The following MYT1L variants were observed in gnomAD, a reference collection of about 807,000 sequenced individuals.
MYT1L encodes myelin transcription factor 1 like.
In MYT1L, 12 loss-of-function variants were observed where a neutral mutation model predicts 126.7. The ratio of observed to expected loss-of-function variants is 0.09; its 90% CI spans 0.06 to 0.15. The LOEUF (loss-of-function observed/expected upper bound fraction) is 0.15. Ranked by LOEUF, MYT1L falls within the 10% of genes least tolerant of loss-of-function variation. MYT1L has a pLI of 1.00. For synonymous variants in MYT1L, 541 were observed against 604.2 expected, an observed-to-expected ratio of 0.90 and a Z score of 1.53; for missense variants, 979 against 1,585.2, an observed-to-expected ratio of 0.62 and a Z score of 6.49.
chr2:2,301,439 G>A (rs1449796195), intron 1 of MYT1L, among the ~76,000 whole-genome samples: 1 of 152,080 alleles, frequency 6.6e-6, no homozygotes, highest in Non-Finnish European at 1.5e-5. Flanking sequence ...CTTATTATGT[G>A]TCAGGCACTG....
At chr2:2,154,337 C>A (rs914949026) in intron 3 of MYT1L, among the ~76,000 whole-genome samples, 1 of 152,092 alleles carries the variant, frequency 6.6e-6, no homozygotes, top group African/African-American at 2.4e-5. Context: ...ACTTAAAACC[C>A]GTGGTGACAT....
chr2:1,872,881 C>T (rs1036787689), intron 18 of MYT1L, among the ~76,000 whole-genome samples: 1 of 152,142 alleles, frequency 6.6e-6, no homozygotes, highest in African/African-American at 2.4e-5. Context: ...TAATCATGAC[C>T]TCTCAGGTAG....
chr2:2,128,417 G>T (rs1471464164), intron 3 of MYT1L, among the ~76,000 whole-genome samples: 4 of 152,128 alleles, frequency 2.6e-5, no homozygotes, highest in African/African-American at 9.7e-5. Context: ...CTCCCAAATT[G>T]CTAGGATTAC....
chr2:2,266,722 T>C (rs1327117861), intron 2 of MYT1L, among the ~76,000 whole-genome samples: 12 of 152,146 alleles, frequency 7.9e-5, no homozygotes, highest in Admixed American at 7.9e-4. Context: ...TGGTGAGAGA[T>C]AATTGAAACA....
At chr2:2,072,974 T>C (rs1218793376) in intron 3 of MYT1L, among the ~76,000 whole-genome samples, 1 of 152,122 alleles carries the variant, frequency 6.6e-6, no homozygotes, top group African/African-American at 2.4e-5. Context: ...TTGGGCAGGT[T>C]TGGTATCTGC....
chr2:2,040,017 C>T (rs1415258069), intron 4 of MYT1L, among the ~76,000 whole-genome samples: 1 of 152,082 alleles, frequency 6.6e-6, no homozygotes, highest in African/African-American at 2.4e-5. Flanking sequence ...TGAGGGCCTG[C>T]GAAAGGGAAA....
intron 4 of MYT1L, among the ~76,000 whole-genome samples, chr2:2,004,287 A>AGGCG (rs2062842345): frequency 6.5e-5 from 8 of 123,870 alleles, no homozygotes; most frequent in Non-Finnish European, 8.5e-5. Context: ...TCTTTCCTGC[A>AGGCG]TGCGTTCTTT....
At chr2:2,066,917 G>A (rs1323141517) in intron 3 of MYT1L, among the ~76,000 whole-genome samples, 2 of 152,208 alleles carry the variant, frequency 1.3e-5, no homozygotes, top group African/African-American at 4.8e-5. Context: ...GATGCCTCTA[G>A]AGGGAAAGTC....
chr2:1,795,455 G>A (rs2033256951), intron 23 of MYT1L: 2 of 152,654 alleles, frequency 1.3e-5, no homozygotes, highest in South Asian at 2.1e-4. Flanking sequence ...CTCCTCCGAG[G>A]ATGGGGCTGA....
chr2:1,797,295 C>T (rs1359815982), intron 23 of MYT1L, among the ~76,000 whole-genome samples: 4 of 152,178 alleles, frequency 2.6e-5, no homozygotes, highest in Admixed American at 2.6e-4. Context: ...GCGATCTTGG[C>T]TCTCTGCAAG....
intron 10 of MYT1L, among the ~76,000 whole-genome samples, chr2:1,918,362 G>A (rs2149079147): frequency 6.6e-6 from 1 of 152,262 alleles, no homozygotes; most frequent in Middle Eastern, 3.4e-3. Flanking sequence ...AAAACCAGTT[G>A]CTCAGATCAC....
intron 3 of MYT1L, among the ~76,000 whole-genome samples, chr2:2,168,252 G>GA (rs2089482672): frequency 6.6e-6 from 1 of 152,162 alleles, no homozygotes; most frequent in Admixed American, 6.6e-5. Flanking sequence ...AAAAAAGACG[G>GA]AAGTTTGTGT....
intron 18 of MYT1L, among the ~76,000 whole-genome samples, chr2:1,859,345 AC>A (rs1280030720): frequency 6.6e-6 from 1 of 152,238 alleles, no homozygotes; most frequent in Non-Finnish European, 1.5e-5. Context: ...CTAGAAAATA[AC>A]AAAAAATACA....
chr2:2,317,003 G>C (rs919483349), intron 1 of MYT1L, among the ~76,000 whole-genome samples: 1 of 150,798 alleles, frequency 6.6e-6, no homozygotes, highest in Non-Finnish European at 1.5e-5. Flanking sequence ...ATTTTTAATA[G>C]AGACGGAGTT....
intron 2 of MYT1L, among the ~76,000 whole-genome samples, chr2:2,191,614 A>C (rs941810849): frequency 3.9e-5 from 6 of 152,320 alleles, no homozygotes; most frequent in African/African-American, 1.4e-4. Flanking sequence ...GCATGTGGAC[A>C]GTTGGGTCAG....
intron 4 of MYT1L, among the ~76,000 whole-genome samples, chr2:2,016,472 G>T (rs901070164): frequency 6.6e-6 from 1 of 152,142 alleles, no homozygotes; most frequent in Admixed American, 6.5e-5. Flanking sequence ...TCTCACAGCC[G>T]CCATGGCACT....
rs182428041 is a variant in MYT1L, at chr2:2,031,821, A to G, written c.-158+22157T>C. ...CCTGTGGCCCAGAGCAGATTCTAGA[A>G]GGAGGGCCTTACACACACCCCTCGC... On this transcript the variant is annotated intron_variant, in intron 4 of 24. Transcript: ENST00000647738. Among the ~76,000 whole-genome samples, 1,025 of 141,156 alleles carry G rather than the reference A, an allele frequency of 7.3e-3. 3 individuals are homozygous for G. The highest frequency in any genetic ancestry group is 0.026 in the African/African-American group (948 of 36,074). The allele number at this position is 141,156 out of a possible 152,430, so 92.6% of individuals were successfully genotyped here. A position where few individuals can be genotyped will look rare whatever the true frequency, so the allele number is the denominator to read the frequency against.
chr2:1,801,046 TGGTCAGACA>T lies in MYT1L; in HGVS notation c.3276+641_3276+649del, dbSNP rs1428373077. Among the ~76,000 whole-genome samples, 2 of 152,196 alleles carry T rather than the reference TGGTCAGACA, an allele frequency of 1.3e-5. No individual in the cohort carries two copies. The highest frequency in any genetic ancestry group is 2.9e-5 in the Non-Finnish European group (2 of 68,028). On this transcript the variant is annotated intron_variant, in intron 23 of 24. Transcript: ENST00000647738. This position sits in a 1 kb window ranked among gnomAD's most constrained non-coding sequence, Gnocchi z 4.2. Reference sequence around the variant, plus strand: ...TGGGGGATGCCAGGCACAAGGCTCATGGTCAGACAGGGTCCAGCCTGGCCTCTGTGGCTT... The same window carrying T: ...TGGGGGATGCCAGGCACAAGGCTCATGGGTCCAGCCTGGCCTCTGTGGCTT...
chr2:1,801,684 A>G lies in MYT1L; in HGVS notation c.3276+12T>C, dbSNP rs1214988156. On this transcript the variant is annotated intron_variant, in intron 23 of 24. Transcript: ENST00000647738. This position sits in a 1 kb window ranked among gnomAD's most constrained non-coding sequence, Gnocchi z 4.2. ...TGTTAGAGCTAAAATTGAGGGCTTC[A>G]AAAACTGTTACCTGAGTTCTGAGTT... The G allele has an allele frequency of 1.9e-6, 3 of 1,581,946 alleles. No individual in the cohort carries two copies. The highest frequency in any genetic ancestry group is 4.5e-5 in the East Asian group (2 of 44,682).
Sources: gnomAD v4.1 joint callset for allele counts (sites outside exome capture counted in the v4.1 genomes callset) on GRCh38, gnomAD v4.1.1 for gene constraint, Gnocchi (gnomAD v3.1) non-coding constraint, MANE v1.5 for transcripts, NCBI Gene and HGNC (gene_info 2026-07-23, HGNC 2026-07-21) for gene names.